The following LRRC37A2 variants were observed in gnomAD, a reference collection of about 807,000 sequenced individuals.
The protein encoded by LRRC37A2 is leucine rich repeat containing 37 member A2, also known as leucine-rich repeat-containing protein 37A2.
Under a neutral mutation model 68.8 loss-of-function variants are expected in LRRC37A2, and 9 were observed. That is an observed-to-expected ratio of 0.13 (90% CI 0.08 to 0.23). LRRC37A2 has a LOEUF of 0.23. LRRC37A2 is among the 10% of genes least tolerant of loss of function. The pLI, the probability that LRRC37A2 is intolerant of heterozygous loss-of-function variation, is 1.00. For synonymous variants in LRRC37A2, 63 were observed against 367.6 expected (o/e 0.17, Z 9.48); for missense variants, 168 against 950.4 (o/e 0.18, Z 10.82).
chr17:47,003,453 A>G, the LRRC37A2 span, among the ~76,000 whole-genome samples: 1 of 152,178 alleles, frequency 6.6e-6, no homozygotes, highest in Non-Finnish European at 1.5e-5. Flanking sequence ...CTTTGAGCCC[A>G]GGTTTGTTTG....
chr17:46,885,282 C>T, the LRRC37A2 span: 190 of 265,240 alleles, frequency 7.2e-4, no homozygotes, highest in African/African-American at 4.2e-3. Context: ...CTGGGATTAC[C>T]GGTGTGAGCC....
the LRRC37A2 span, among the ~76,000 whole-genome samples, chr17:46,855,853 C>T: frequency 6.6e-6 from 1 of 152,086 alleles, no homozygotes; most frequent in Non-Finnish European, 1.5e-5. Context: ...CATGTGCCAC[C>T]ATGCCTGGCT....
the LRRC37A2 span, chr17:46,830,484 G>T: frequency 2.5e-6 from 1 of 392,646 alleles, no homozygotes; most frequent in Non-Finnish European, 4.5e-6. Flanking sequence ...CAACTCTTGG[G>T]CTCAGGAGAT....
chr17:46,771,203 G>A, the LRRC37A2 span, among the ~76,000 whole-genome samples: 3 of 152,204 alleles, frequency 2.0e-5, no homozygotes, highest in Non-Finnish European at 4.4e-5. Context: ...GGCGAAGAGT[G>A]CAGAGCTGGT....
chr17:46,902,627 G>A, the LRRC37A2 span, among the ~76,000 whole-genome samples: 2 of 152,072 alleles, frequency 1.3e-5, no homozygotes, highest in East Asian at 3.9e-4. Flanking sequence ...TGGGGGCTTG[G>A]GTGGGGGTTG....
chr17:46,656,958 C>CA, the LRRC37A2 span, among the ~76,000 whole-genome samples: 6 of 2,148 alleles, frequency 2.8e-3, 2 homozygotes, highest in Admixed American at 0.012. Flanking sequence ...TACATAGAAC[C>CA]AAAAAAAAAA....
the LRRC37A2 span, among the ~76,000 whole-genome samples, chr17:46,834,654 G>A: frequency 6.6e-6 from 1 of 152,118 alleles, no homozygotes; most frequent in African/African-American, 2.4e-5. Flanking sequence ...CTTCTCGCCT[G>A]CCTCCTCCCC....
At chr17:46,900,215 A>T in the LRRC37A2 span, among the ~76,000 whole-genome samples, 1,350 of 132,920 alleles carry the variant, frequency 0.01, 43 homozygotes, top group African/African-American at 0.043. Flanking sequence ...ACACACACAC[A>T]CACACATATA....
the LRRC37A2 span, among the ~76,000 whole-genome samples, chr17:46,408,449 C>A: frequency 2.5e-5 from 1 of 39,934 alleles, no homozygotes; most frequent in African/African-American, 4.4e-5. Flanking sequence ...AATTTCTGAA[C>A]AGGGAATTAG....
chr17:46,559,160 G>A (rs1229000022), downstream of LRRC37A2: 1 of 58,768 alleles, frequency 1.7e-5, no homozygotes. Flanking sequence ...CTACCCCGGA[G>A]GTCAGGGCCT....
the LRRC37A2 span, among the ~76,000 whole-genome samples, chr17:46,896,129 G>GA: frequency 1.3e-5 from 2 of 151,284 alleles, no homozygotes; most frequent in Non-Finnish European, 1.5e-5. Flanking sequence ...AAACCAAAAA[G>GA]AAAAAACAAA....
At chr17:46,901,930 A>G in the LRRC37A2 span, among the ~76,000 whole-genome samples, 1 of 150,772 alleles carries the variant, frequency 6.6e-6, no homozygotes, top group Non-Finnish European at 1.5e-5. Flanking sequence ...GCCTCAGCCT[A>G]CCGAGTAGTT....
At chr17:46,816,121 A>ACACACACACACGCACG in the LRRC37A2 span, among the ~76,000 whole-genome samples, 13 of 150,894 alleles carry the variant, frequency 8.6e-5, no homozygotes, top group African/African-American at 2.9e-4. Flanking sequence ...GTACACACAC[A>ACACACACACACGCACG]CACACACACT....
At chr17:46,525,612 A>ATAG in intron 6 of LRRC37A2, among the ~76,000 whole-genome samples, 1 of 118,918 alleles carries the variant, frequency 8.4e-6, no homozygotes, top group East Asian at 2.4e-4. Context: ...TATAATAATA[A>ATAG]TAATCATCAT....
chr17:46,862,395 A>G, the LRRC37A2 span, among the ~76,000 whole-genome samples: 1 of 152,170 alleles, frequency 6.6e-6, no homozygotes, highest in Admixed American at 6.5e-5. Flanking sequence ...GGATAAACAA[A>G]GCCCATAATA....
chr17:46,891,382 T>C, the LRRC37A2 span, among the ~76,000 whole-genome samples: 1 of 152,040 alleles, frequency 6.6e-6, no homozygotes, highest in Admixed American at 6.6e-5. Context: ...AGGTCACAGA[T>C]GGAAGATGAC....
At chr17:46,906,202 G>C in the LRRC37A2 span, among the ~76,000 whole-genome samples, 1 of 152,172 alleles carries the variant, frequency 6.6e-6, no homozygotes, top group East Asian at 1.9e-4. Flanking sequence ...CTGATGGGTG[G>C]GGTGGGAGGC....
At chr17:46,803,117 C>T in the LRRC37A2 span, among the ~76,000 whole-genome samples, 1 of 152,296 alleles carries the variant, frequency 6.6e-6, no homozygotes, top group Non-Finnish European at 1.5e-5. Context: ...TGATGTCTGC[C>T]GCAGAATTGA....
chr17:46,982,665 TC>T, the LRRC37A2 span, among the ~76,000 whole-genome samples: 1 of 151,904 alleles, frequency 6.6e-6, no homozygotes, highest in Non-Finnish European at 1.5e-5. Context: ...ATTATCCCCG[TC>T]CCCCTCTCTC....
Sources: gnomAD v4.1 joint callset for allele counts (sites outside exome capture counted in the v4.1 genomes callset) on GRCh38, gnomAD v4.1.1 for gene constraint, MANE v1.5 for transcripts, NCBI Gene and HGNC (gene_info 2026-07-23, HGNC 2026-07-21) for gene names.